ARHGAP28: variants seen among roughly 807,000 people sequenced by gnomAD.
ARHGAP28 encodes the protein rho GTPase-activating protein 28.
Under a neutral mutation model 90.7 loss-of-function variants are expected in ARHGAP28, and 56 were observed. The ratio of observed to expected loss-of-function variants is 0.62; its 90% CI spans 0.50 to 0.77. The LOEUF is 0.77. Among genes scored for constraint, ARHGAP28 ranks in the 30% least tolerant of loss-of-function variants. The probability of loss-of-function intolerance (pLI) is 0.00; values close to 1 mark genes in which losing one functional copy is unlikely to be tolerated. For synonymous variants in ARHGAP28, 308 were observed against 323.3 expected, an observed-to-expected ratio of 0.95 and a Z score of 0.51; for missense variants, 869 against 900.9, an observed-to-expected ratio of 0.96 and a Z score of 0.45.
chr18:6,844,569 G>T (rs1252181950), intron 3 of ARHGAP28, among the ~76,000 whole-genome samples: 1 of 152,240 alleles, frequency 6.6e-6, no homozygotes, highest in Admixed American at 6.5e-5. Context: ...CATAACAAGT[G>T]ATTTATTGCA....
At chr18:6,836,576 G>A (rs1416374118) in intron 2 of ARHGAP28, among the ~76,000 whole-genome samples, 2 of 152,116 alleles carry the variant, frequency 1.3e-5, no homozygotes, top group Non-Finnish European at 2.9e-5. Context: ...ATTGTATAAG[G>A]CAGATACCTG....
intron 1 of ARHGAP28, among the ~76,000 whole-genome samples, chr18:6,753,169 T>C (rs988865506): frequency 1.3e-5 from 2 of 152,080 alleles, no homozygotes; most frequent in Non-Finnish European, 2.9e-5. Context: ...TACCAATGGA[T>C]TTATTTTGTA....
rs1049892853 is a variant in ARHGAP28 at position 6,914,957 on chromosome 18, C to T, written c.*2803C>T. The T allele has an allele frequency of 1.9e-4, 29 of 152,622 alleles. No individual in the cohort carries two copies. The highest frequency in any genetic ancestry group is 6.7e-4 in the African/African-American group (28 of 41,526). 9.5% of individuals were successfully genotyped at this position (152,622 alleles called of 1,614,324 possible). A position where few individuals can be genotyped will look rare whatever the true frequency, so the allele number is the denominator to read the frequency against. On this transcript the variant is annotated 3_prime_UTR_variant, in exon 18 of 18. Transcript: ENST00000383472. ...ACAACGTCTATACAGTATAAACTAC[C>T]TCACTTGCCTTTCTTGGGAAAAAAA...
chr18:6,874,281 C>T (rs1007621310), intron 9 of ARHGAP28, among the ~76,000 whole-genome samples: 1 of 152,154 alleles, frequency 6.6e-6, no homozygotes, highest in Non-Finnish European at 1.5e-5. Flanking sequence ...AATCTAAAAA[C>T]CAGCATGTTC....
At chr18:6,842,110 A>C (rs570689180) in intron 3 of ARHGAP28, among the ~76,000 whole-genome samples, 1 of 152,268 alleles carries the variant, frequency 6.6e-6, no homozygotes, top group Admixed American at 6.5e-5. Context: ...GCACTTTGGG[A>C]GGTCAAGGCA....
intron 1 of ARHGAP28, among the ~76,000 whole-genome samples, chr18:6,747,330 T>C (rs1008412077): frequency 6.6e-6 from 1 of 152,054 alleles, no homozygotes; most frequent in Non-Finnish European, 1.5e-5. Context: ...AGGTAGACGG[T>C]AGGGAGAGGG....
chr18:6,876,932 T>C (rs2057135803), intron 10 of ARHGAP28, among the ~76,000 whole-genome samples: 1 of 152,218 alleles, frequency 6.6e-6, no homozygotes, highest in Non-Finnish European at 1.5e-5. Flanking sequence ...CATCCCACTG[T>C]GTCTGCGGGT....
rs760019406 is a variant in ARHGAP28, at chr18:6,870,663, G to A, written c.885G>A (p.Met295Ile). The change falls in exon 7 of 18, where the codon ATG (methionine) becomes ATA (isoleucine). Residue 295 changes from methionine to isoleucine, a missense_variant. Physicochemically the swap from Met to Ile is conservative, Grantham distance 10. Coordinates refer to ENST00000383472, the MANE Select transcript of ARHGAP28 (RefSeq NM_001366230.1). The part of the protein sequence containing the change: ...ELSFEVSYSE[M>I]VTEALKRNKL... ...CATTTGAAGTGTCTTATTCAGAAAT[G>A]GTTACGGAGGCTCTAAAAAGAAATA... 75 of 1,612,080 alleles carry A rather than the reference G, an allele frequency of 4.7e-5. No individual in the cohort carries two copies. Among genetic ancestry groups the A allele is most frequent in the Admixed American group, 2.3e-4 (14 of 59,770 alleles).
At chr18:6,874,228 T>C (rs1031284780) in intron 9 of ARHGAP28, among the ~76,000 whole-genome samples, 3 of 152,246 alleles carry the variant, frequency 2.0e-5, no homozygotes, top group African/African-American at 7.2e-5. Flanking sequence ...AAAATGTGTA[T>C]ATGTGTAATC....
At chr18:6,899,452 C>G (rs780755897) in intron 16 of ARHGAP28, among the ~76,000 whole-genome samples, 36 of 152,118 alleles carry the variant, frequency 2.4e-4, no homozygotes, top group Admixed American at 7.2e-4. Flanking sequence ...CTAAGGAAAG[C>G]CTAGCCAAAG....
At chr18:6,761,188 G>A (rs1199823100) in intron 1 of ARHGAP28, among the ~76,000 whole-genome samples, 1 of 152,058 alleles carries the variant, frequency 6.6e-6, no homozygotes, top group Non-Finnish European at 1.5e-5. Flanking sequence ...GGCAGGTAGT[G>A]AGTGCAAGGA....
Position 6,859,802 on chromosome 18 carries a change from A to G in ARHGAP28, c.637-6A>G, listed in dbSNP as rs761334007. 26 of 1,612,930 alleles carry G rather than the reference A, an allele frequency of 1.6e-5. No homozygotes were observed. Among genetic ancestry groups the G allele is most frequent in the East Asian group, 6.7e-5 (3 of 44,878 alleles). On this transcript the variant is annotated splice_polypyrimidine_tract_variant and splice_region_variant and intron_variant, in intron 4 of 17. Coordinates refer to ENST00000383472, the MANE Select transcript of ARHGAP28 (RefSeq NM_001366230.1). ...ATAAGAATGGTACTTTTATTTCTCC[A>G]TTTAGCCAGATGATGCTTCTCTCAA... is the stretch of plus-strand genomic sequence containing the variant.
intron 1 of ARHGAP28, among the ~76,000 whole-genome samples, chr18:6,737,552 A>C (rs1019988812): frequency 6.6e-6 from 1 of 152,188 alleles, no homozygotes; most frequent in African/African-American, 2.4e-5. Flanking sequence ...TAAAGGACTA[A>C]AGTGTATACT....
intron 3 of ARHGAP28, among the ~76,000 whole-genome samples, chr18:6,838,361 AT>A (rs1444914010): frequency 5.3e-5 from 8 of 152,238 alleles, no homozygotes; most frequent in Admixed American, 2.6e-4. Context: ...AGTAGAAATC[AT>A]GGTTGAAGAC....
At chr18:6,770,256 T>C (rs1043770270) in intron 1 of ARHGAP28, among the ~76,000 whole-genome samples, 3 of 152,228 alleles carry the variant, frequency 2.0e-5, no homozygotes, top group African/African-American at 7.2e-5. Flanking sequence ...TAAAATATGA[T>C]ATATGGGCTC....
At chr18:6,862,182 C>T (rs1266305720) in intron 5 of ARHGAP28, among the ~76,000 whole-genome samples, 2 of 152,134 alleles carry the variant, frequency 1.3e-5, no homozygotes, top group Non-Finnish European at 2.9e-5. Context: ...GGGCCCTGTG[C>T]TTCTTGGTTA....
intron 3 of ARHGAP28, among the ~76,000 whole-genome samples, chr18:6,845,678 G>T (rs964290616): frequency 6.6e-6 from 1 of 152,150 alleles, no homozygotes; most frequent in African/African-American, 2.4e-5. Context: ...TGCAGTGTTT[G>T]GTTTTCTGTT....
chr18:6,910,530 C>G (rs1000592177), intron 17 of ARHGAP28, among the ~76,000 whole-genome samples: 4 of 152,116 alleles, frequency 2.6e-5, no homozygotes, highest in South Asian at 2.1e-4. Context: ...GCCCTCCCCC[C>G]AGACAGCCTC....
intron 1 of ARHGAP28, among the ~76,000 whole-genome samples, chr18:6,738,538 A>G (rs995565504): frequency 2.6e-5 from 4 of 152,206 alleles, no homozygotes; most frequent in Non-Finnish European, 5.9e-5. Flanking sequence ...ACAAAGGCCC[A>G]TCAATTATTT....
Sources: allele counts gnomAD v4.1 joint callset (sites outside exome capture counted in the v4.1 genomes callset), GRCh38; gene constraint gnomAD v4.1.1; transcripts MANE v1.5; gene names NCBI Gene and HGNC (gene_info 2026-07-23, HGNC 2026-07-21).